The following SLC7A2 variants were observed in gnomAD, a reference collection of about 807,000 sequenced individuals.
The protein encoded by SLC7A2 is cationic amino acid transporter 2.
A neutral mutation model predicts 58.9 loss-of-function variants in SLC7A2; 48 were observed. The ratio of observed to expected loss-of-function variants is 0.82; its 90% CI spans 0.65 to 1.04. The LOEUF is 1.04. Among genes scored for constraint, SLC7A2 ranks in the 50% least tolerant of loss-of-function variants. SLC7A2 has a pLI of 0.00. For missense variants in SLC7A2, 1,029 were observed against 818.8 expected (o/e 1.26, Z -3.13); for synonymous variants, 363 against 314.5 (o/e 1.15, Z -1.63).
rs181662056 is a variant in SLC7A2, at chr8:17,562,298, C to T, written c.1671+188C>T. ...TTGGCTCACTGCAACTTTTGCCTCC[C>T]GGGTTCAAGCACTTCTCCTGCCTCG... On this transcript the variant is annotated intron_variant, in intron 11 of 12. Coordinates refer to ENST00000494857, the MANE Select transcript of SLC7A2 (RefSeq NM_001370338.1). 3.0e-4 allele frequency among the ~76,000 whole-genome samples: 44 copies of T among 146,832 alleles called. 1 individual carries two copies. The highest frequency in any genetic ancestry group is 3.6e-3 in the Middle Eastern group (1 of 280).
Position 17,558,304 on chromosome 8 carries a change from C to A in SLC7A2, c.1205C>A (p.Ala402Asp). 8 of 1,611,452 alleles carry A rather than the reference C, an allele frequency of 5.0e-6. No individual in the cohort carries two copies. The highest frequency in any genetic ancestry group is 6.8e-6 in the Non-Finnish European group (8 of 1,177,906). ...TTTCTTCTCCCCCTAGCTTTGATGG[C>A]CTTTCTGTTTGACCTGAAGGCGCTT... The part of the protein sequence containing the change: ...LSSGAVAALM[A>D]FLFDLKALVD... The change falls in exon 9 of 13, where the codon GCC becomes GAC. Residue 402 changes from alanine to aspartate, a missense_variant. Ala to Asp is a moderately radical substitution (Grantham distance 126, BLOSUM62 -2). Transcript: ENST00000494857.
intron 2 of SLC7A2, among the ~76,000 whole-genome samples, chr8:17,542,254 G>A (rs757253085): frequency 5.9e-5 from 9 of 152,256 alleles, no homozygotes; most frequent in African/African-American, 1.9e-4. Flanking sequence ...AAGTTTTTAC[G>A]TGCTTTTAGA....
In SLC7A2 at chr8:17,568,240, A is replaced by C. The variant is rs1249202253; in HGVS notation, c.*3094A>C. The C allele has an allele frequency of 6.6e-6, 1 of 151,818 alleles. No individual in the cohort carries two copies. The highest frequency in any genetic ancestry group is 1.5e-5 in the Non-Finnish European group (1 of 68,006). The allele number at this position is 151,818 out of a possible 1,614,324, so 9.4% of individuals were successfully genotyped here. On this transcript the variant is annotated 3_prime_UTR_variant, in exon 13 of 13. Coordinates refer to ENST00000494857, the MANE Select transcript of SLC7A2 (RefSeq NM_001370338.1). ...CTTGTAATGGCACCTCAAATTTTATACTCTTAAAAAAAAACAATAATTTGT... is the reference window on the plus strand; with the variant it reads ...CTTGTAATGGCACCTCAAATTTTATCCTCTTAAAAAAAAACAATAATTTGT...
chr8:17,507,998 A>G (rs1223707676), intron 2 of SLC7A2, among the ~76,000 whole-genome samples: 1 of 152,202 alleles, frequency 6.6e-6, no homozygotes, highest in African/African-American at 2.4e-5. Context: ...TAATCTAAAA[A>G]TAAAAAGACT....
intron 2 of SLC7A2, among the ~76,000 whole-genome samples, chr8:17,521,464 G>A (rs748076769): frequency 5.3e-5 from 8 of 152,146 alleles, no homozygotes; most frequent in African/African-American, 1.4e-4. Flanking sequence ...TTCTGTAAAC[G>A]TCTTGGTTAA....
intron 2 of SLC7A2, among the ~76,000 whole-genome samples, chr8:17,508,867 C>T (rs1424327619): frequency 1.3e-5 from 2 of 152,038 alleles, no homozygotes; most frequent in African/African-American, 2.4e-5. Context: ...CCTGAGGACC[C>T]ACATTATTTC....
chr8:17,538,911 C>T (rs200077616), intron 2 of SLC7A2: 13 of 1,612,874 alleles, frequency 8.1e-6, no homozygotes, highest in African/African-American at 1.3e-5. Context: ...TTTGCGACAG[C>T]AAGTTTCTCC....
intron 8 of SLC7A2, among the ~76,000 whole-genome samples, chr8:17,555,626 C>CT (rs1466905606): frequency 6.6e-6 from 1 of 151,878 alleles, no homozygotes; most frequent in Non-Finnish European, 1.5e-5. Context: ...GGTGGGCATC[C>CT]TTGCTTCCAG....
intron 2 of SLC7A2, among the ~76,000 whole-genome samples, chr8:17,505,699 C>T (rs1396607115): frequency 6.6e-6 from 1 of 152,182 alleles, no homozygotes; most frequent in Non-Finnish European, 1.5e-5. Context: ...TAAGCATAGT[C>T]AGTGCCCTCT....
intron 2 of SLC7A2, among the ~76,000 whole-genome samples, chr8:17,526,843 A>C (rs904588984): frequency 2.0e-5 from 3 of 152,204 alleles, no homozygotes; most frequent in Non-Finnish European, 4.4e-5. Flanking sequence ...CACGATTATT[A>C]CACTGGCGAA....
In SLC7A2 at chr8:17,554,540, T is replaced by G. The variant is rs1802596455; in HGVS notation, c.1056-20T>G. ...TTGCATGAATGTTTGCCATACTGCATGTGTTTGCTTTTTATTCAGTCTTCT... is the reference window on the plus strand; with the variant it reads ...TTGCATGAATGTTTGCCATACTGCAGGTGTTTGCTTTTTATTCAGTCTTCT... On this transcript the variant is annotated intron_variant, in intron 7 of 12. Transcript: ENST00000494857. 6.3e-7 allele frequency: 1 copy of G among 1,575,098 alleles called. No individual in the cohort carries two copies. Among genetic ancestry groups the G allele is most frequent in the African/African-American group, 1.4e-5 (1 of 73,496 alleles).
intron 8 of SLC7A2, chr8:17,554,987 C>A: frequency 6.2e-7 from 1 of 1,614,026 alleles, no homozygotes; most frequent in Non-Finnish European, 8.5e-7. Flanking sequence ...ATTCTGTTTG[C>A]CATGGCCCGG....
In SLC7A2 at chr8:17,543,505, G is replaced by A. The variant is rs201546845; in HGVS notation, c.166G>A (p.Ala56Thr). Residue 56 changes from alanine to threonine, a missense_variant, in exon 3 of 13, where the codon GCT becomes ACT. Ala to Thr is a moderately conservative substitution (Grantham distance 58, BLOSUM62 0). Transcript: ENST00000494857. ...CCTTGGGGCCGGGGTTTATGTCCTC[G>A]CTGGGGAGGTGGCCAAGGCAGACTC... ...STLGAGVYVL[A>T]GEVAKADSGP... The A allele has an allele frequency of 1.2e-4, 186 of 1,613,818 alleles. No individual in the cohort carries two copies. Among genetic ancestry groups the A allele is most frequent in the Non-Finnish European group, 1.4e-4 (166 of 1,179,972 alleles).
chr8:17,544,317 ATATC>A (rs1332359954), intron 3 of SLC7A2, 130 bp from the exon 4 acceptor site: 47 of 620,874 alleles, frequency 7.6e-5, no homozygotes, highest in Non-Finnish European at 1.2e-4. Context: ...ATGATTATAA[ATATC>A]CAGATACTGT....
chr8:17,538,128 A>G (rs1801751486), intron 2 of SLC7A2, among the ~76,000 whole-genome samples: 1 of 152,204 alleles, frequency 6.6e-6, no homozygotes. Context: ...TCTGGATTCT[A>G]TATCAGAAAA....
chr8:17,502,655 G>A (rs773292880), intron 2 of SLC7A2, among the ~76,000 whole-genome samples: 1 of 152,112 alleles, frequency 6.6e-6, no homozygotes. Flanking sequence ...GAGAGGTTGG[G>A]TGGAGGGGGT....
rs188780068 is a variant in SLC7A2, at chr8:17,503,152, G to A, written c.-23+850G>A. On this transcript the variant is annotated intron_variant, in intron 2 of 12. Coordinates refer to ENST00000494857, the MANE Select transcript of SLC7A2 (RefSeq NM_001370338.1). ...TGCAAGCTCCGCCTCCCGGGTTCAC[G>A]CCATTCTCCTGCCTCAGCCTCCCGA... is the stretch of plus-strand genomic sequence containing the variant. Among the ~76,000 whole-genome samples, 74 of 152,038 alleles carry A rather than the reference G, an allele frequency of 4.9e-4. 3 individuals are homozygous for A. The highest frequency in any genetic ancestry group is 1.6e-3 in the African/African-American group (65 of 41,466).
chr8:17,564,925 A>ATT (rs368013577), intron 12 of SLC7A2, 25 bp from the exon 13 acceptor site: 37 of 1,194,078 alleles, frequency 3.1e-5, no homozygotes, highest in African/African-American at 2.8e-4. Flanking sequence ...TGAAACATTG[A>ATT]TTTTTTTTTT....
At chr8:17,564,878 C>G (rs1470647426) in intron 12 of SLC7A2, 72 bp from the exon 13 acceptor site, 1 of 1,235,456 alleles carries the variant, frequency 8.1e-7, no homozygotes, top group Non-Finnish European at 1.1e-6. Context: ...TCTACATTTT[C>G]CACCTCAATA....
Sources: gnomAD v4.1 joint callset for allele counts (sites outside exome capture counted in the v4.1 genomes callset) on GRCh38, gnomAD v4.1.1 for gene constraint, MANE v1.5 for transcripts, NCBI Gene and HGNC (gene_info 2026-07-23, HGNC 2026-07-21) for gene names.